Variants in GSE1 observed in about 807,000 individuals in gnomAD.
The protein encoded by GSE1 is Gse1 coiled-coil protein.
In GSE1, 32 loss-of-function variants were observed where a neutral mutation model predicts 112.6. That is an observed-to-expected ratio of 0.28 (90% CI 0.21 to 0.38). The LOEUF is 0.38. Among genes scored for constraint, GSE1 ranks in the 10% least tolerant of loss-of-function variants. GSE1 has a pLI of 1.00. For missense variants in GSE1, 2,348 were observed against 1,699.2 expected, an observed-to-expected ratio of 1.38 and a Z score of -6.71; for synonymous variants, 1,115 against 735.6, an observed-to-expected ratio of 1.52 and a Z score of -8.35.
At chr16:85,210,099 A>G (rs2075198821) in intron 1 of GSE1, among the ~76,000 whole-genome samples, 3 of 152,230 alleles carry the variant, frequency 2.0e-5, no homozygotes, top group Non-Finnish European at 2.9e-5. Context: ...TGGCTCATTC[A>G]TATTGCCGCT....
intron 1 of GSE1, among the ~76,000 whole-genome samples, chr16:85,577,007 G>A (rs1482745977): frequency 1.3e-5 from 2 of 152,172 alleles, no homozygotes; most frequent in Admixed American, 1.3e-4. Context: ...CAGTCAGGAC[G>A]CTGAGGTCCT....
In GSE1 at chr16:85,636,903, A is replaced by ACCCCCCAGCTCCCCTGTGCTACC. The variant is rs2050049135; in HGVS notation, c.226+2777_226+2799dup. ...CCTGGATGACAGTGGGGACATGTGG[A>ACCCCCCAGCTCCCCTGTGCTACC]CCCCCCAGCTCCCCTGTGCTACCCC... On this transcript the variant is annotated intron_variant, in intron 2 of 15. Transcript: ENST00000253458. Among the ~76,000 whole-genome samples, 4 of 150,966 alleles carry ACCCCCCAGCTCCCCTGTGCTACC rather than the reference A, an allele frequency of 2.6e-5. No homozygotes were observed. In the South Asian group the frequency reaches 8.5e-4, roughly 32 times the overall value.
chr16:85,351,290 G>C (rs1415786349), intron 1 of GSE1, among the ~76,000 whole-genome samples: 1 of 152,240 alleles, frequency 6.6e-6, no homozygotes, highest in Non-Finnish European at 1.5e-5. Flanking sequence ...CCCCTGGGCT[G>C]CTGTGGGTCC....
chr16:85,630,761 CG>C (rs1248907729), intron 1 of GSE1, among the ~76,000 whole-genome samples: 2 of 152,120 alleles, frequency 1.3e-5, no homozygotes, highest in Non-Finnish European at 2.9e-5. Flanking sequence ...CCCAGGAAGC[CG>C]GGTTCAAGTC....
At chr16:85,287,600 C>T (rs577932992) in intron 1 of GSE1, among the ~76,000 whole-genome samples, 9 of 152,234 alleles carry the variant, frequency 5.9e-5, no homozygotes, top group Admixed American at 2.6e-4. Context: ...GATTTCCACA[C>T]GGCTCCTCCC....
intron 1 of GSE1, among the ~76,000 whole-genome samples, chr16:85,304,706 T>G (rs528352961): frequency 6.6e-6 from 1 of 151,424 alleles, no homozygotes; most frequent in Non-Finnish European, 1.5e-5. Context: ...TGTTCCTGCC[T>G]GAACATAAAT....
chr16:85,481,262 C>T (rs866559908), intron 2 of GSE1, among the ~76,000 whole-genome samples: 3 of 152,216 alleles, frequency 2.0e-5, no homozygotes, highest in African/African-American at 7.2e-5. Context: ...AAGACACCTC[C>T]TTTTTTTGAA....
In GSE1 at chr16:85,617,507, T is replaced by G. The variant is rs528513218; in HGVS notation, c.7+4109T>G. On this transcript the variant is annotated intron_variant, in intron 1 of 15. Transcript: ENST00000253458. ...TGCACTTTTGAATCACCTGGGGAGC[T>G]TTAAAAGCTCCCAGTGTCCAGGCTG... is the stretch of plus-strand genomic sequence containing the variant. 2.0e-5 allele frequency among the ~76,000 whole-genome samples: 3 copies of G among 151,236 alleles called. No homozygotes were observed. The East Asian group carries it at 5.9e-4, about 30-fold the overall frequency.
At chr16:85,620,674 T>C (rs536792755) in intron 1 of GSE1, among the ~76,000 whole-genome samples, 1 of 152,394 alleles carries the variant, frequency 6.6e-6, no homozygotes, top group East Asian at 1.9e-4. Flanking sequence ...ATGCCTGGGC[T>C]GGCGCCCCAC....
chr16:85,213,137 C>T (rs569204918), intron 1 of GSE1, among the ~76,000 whole-genome samples: 9 of 152,024 alleles, frequency 5.9e-5, no homozygotes, highest in East Asian at 3.9e-4. Context: ...GCCGTGGTGG[C>T]GCATGCCTGT....
chr16:85,614,824 C>G (rs1189286214), intron 1 of GSE1, among the ~76,000 whole-genome samples: 1 of 152,178 alleles, frequency 6.6e-6, no homozygotes, highest in African/African-American at 2.4e-5. Flanking sequence ...GGTTTGGAAA[C>G]AAAAAGCGGG....
chr16:85,226,151 G>A (rs9929153), intron 1 of GSE1, among the ~76,000 whole-genome samples: 73,506 of 152,028 alleles, frequency 0.48, 17,926 homozygotes, highest in African/African-American at 0.5. Context: ...ACGTGTCACT[G>A]AGAAGGTAGG....
At chr16:85,459,145 G>A (rs774503792) in intron 2 of GSE1, among the ~76,000 whole-genome samples, 1 of 152,334 alleles carries the variant, frequency 6.6e-6, no homozygotes. Flanking sequence ...CATTCACCCA[G>A]AAAGATGGCA....
intron 1 of GSE1, among the ~76,000 whole-genome samples, chr16:85,575,175 T>C (rs935724333): frequency 3.3e-5 from 5 of 152,052 alleles, no homozygotes; most frequent in African/African-American, 1.2e-4. Flanking sequence ...TTTGAAGAAA[T>C]ACTGGCAGGG....
chr16:85,229,307 G>A (rs1304020449), intron 1 of GSE1, among the ~76,000 whole-genome samples: 1 of 152,222 alleles, frequency 6.6e-6, no homozygotes, highest in Non-Finnish European at 1.5e-5. Flanking sequence ...CCTTGGCAGG[G>A]CGGACACGGT....
intron 2 of GSE1, among the ~76,000 whole-genome samples, chr16:85,486,242 C>G (rs912012520): frequency 6.6e-6 from 1 of 152,208 alleles, no homozygotes; most frequent in African/African-American, 2.4e-5. Context: ...TGCACACTCA[C>G]ACACTCATTC....
intron 2 of GSE1, among the ~76,000 whole-genome samples, chr16:85,448,832 G>C (rs971366283): frequency 6.6e-6 from 1 of 152,228 alleles, no homozygotes; most frequent in Non-Finnish European, 1.5e-5. Context: ...TTCCCGAGCC[G>C]AGCCTCTCCC....
chr16:85,626,481 A>G (rs1222458762), intron 1 of GSE1, among the ~76,000 whole-genome samples: 1 of 152,194 alleles, frequency 6.6e-6, no homozygotes, highest in Non-Finnish European at 1.5e-5. Flanking sequence ...TTTGTTCACA[A>G]ACATTTCTTT....
intron 1 of GSE1, among the ~76,000 whole-genome samples, chr16:85,345,744 G>A (rs1303502686): frequency 5.3e-5 from 8 of 152,190 alleles, no homozygotes; most frequent in Non-Finnish European, 1.5e-5. Flanking sequence ...TGTCTCCCCA[G>A]CCAGAATGTC....
Sources: gnomAD v4.1 joint callset for allele counts (sites outside exome capture counted in the v4.1 genomes callset) on GRCh38, gnomAD v4.1.1 for gene constraint, MANE v1.5 for transcripts, NCBI Gene and HGNC (gene_info 2026-07-23, HGNC 2026-07-21) for gene names.